The following EBF2 variants were observed in gnomAD, a reference collection of about 807,000 sequenced individuals.
EBF2 encodes transcription factor COE2.
In EBF2, 21 loss-of-function variants were observed where a neutral mutation model predicts 72.8. The observed-to-expected ratio is 0.29, with a 90% CI of 0.20 to 0.42. The LOEUF (loss-of-function observed/expected upper bound fraction) is 0.42. Ranked by LOEUF, EBF2 falls within the 10% of genes least tolerant of loss-of-function variation. EBF2 has a pLI of 1.00. For synonymous variants in EBF2, 299 were observed against 274.2 expected (o/e 1.09, Z -0.89); for missense variants, 637 against 731.2 (o/e 0.87, Z 1.49).
At chr8:25,904,676 T>C (rs1210853100) in intron 7 of EBF2, among the ~76,000 whole-genome samples, 1 of 152,224 alleles carries the variant, frequency 6.6e-6, no homozygotes, top group Non-Finnish European at 1.5e-5. Flanking sequence ...TCCATTCAGA[T>C]GACTGTCCTA....
At chr8:25,976,394 C>A (rs1233351178) in intron 6 of EBF2, among the ~76,000 whole-genome samples, 1 of 152,162 alleles carries the variant, frequency 6.6e-6, no homozygotes, top group East Asian at 1.9e-4. Flanking sequence ...TTGTAGTCCC[C>A]TATAGAACCC....
At chr8:25,846,396 A>T (rs1279452785) in intron 15 of EBF2, among the ~76,000 whole-genome samples, 1 of 152,158 alleles carries the variant, frequency 6.6e-6, no homozygotes, top group African/African-American at 2.4e-5. Context: ...ATTCTGACTC[A>T]CAAACTCCTG....
chr8:25,915,330 G>C (rs1167595965), intron 6 of EBF2, among the ~76,000 whole-genome samples: 1 of 150,740 alleles, frequency 6.6e-6, no homozygotes, highest in African/African-American at 2.4e-5. Context: ...CTGTTTCACA[G>C]GACAACTGCC....
At chr8:25,855,993 ATTAG>A (rs1802081509) in intron 14 of EBF2, among the ~76,000 whole-genome samples, 2 of 152,122 alleles carry the variant, frequency 1.3e-5, no homozygotes, top group South Asian at 2.1e-4. Flanking sequence ...TTGGGGTGTT[ATTAG>A]TTTTCTTGTG....
chr8:25,933,599 C>CATGGA (rs1191891771), intron 6 of EBF2, among the ~76,000 whole-genome samples: 8 of 152,156 alleles, frequency 5.3e-5, no homozygotes. Flanking sequence ...AAAAAAGAGT[C>CATGGA]ATGGATATAC....
At chr8:25,956,763 A>G (rs1185494777) in intron 6 of EBF2, among the ~76,000 whole-genome samples, 5 of 152,180 alleles carry the variant, frequency 3.3e-5, no homozygotes, top group African/African-American at 1.2e-4. Context: ...CGACATTTTA[A>G]TATTCACCCA....
At chr8:26,036,063 C>T (rs1185937275) in intron 5 of EBF2, among the ~76,000 whole-genome samples, 1 of 152,176 alleles carries the variant, frequency 6.6e-6, no homozygotes, top group African/African-American at 2.4e-5. Flanking sequence ...AGCATGTCAA[C>T]CTAACCCCAA....
intron 15 of EBF2, among the ~76,000 whole-genome samples, chr8:25,846,438 A>T (rs553935551): frequency 2.6e-5 from 4 of 152,182 alleles, no homozygotes; most frequent in African/African-American, 9.6e-5. Context: ...CTGTAATCCC[A>T]GCTGTTTAGG....
chr8:25,885,721 C>T (rs189410719), intron 10 of EBF2, among the ~76,000 whole-genome samples: 10 of 152,218 alleles, frequency 6.6e-5, no homozygotes, highest in East Asian at 5.8e-4. Flanking sequence ...CTCATTCTCT[C>T]GTCTGTCACC....
At chr8:25,934,276 C>G (rs1261967820) in intron 6 of EBF2, among the ~76,000 whole-genome samples, 1 of 135,462 alleles carries the variant, frequency 7.4e-6, no homozygotes, top group East Asian at 2.2e-4. Context: ...CACACACACA[C>G]CAATCTTGTT....
intron 6 of EBF2, among the ~76,000 whole-genome samples, chr8:25,951,390 CT>C (rs1803859483): frequency 6.6e-6 from 1 of 152,104 alleles, no homozygotes. Context: ...ACGTACAGTC[CT>C]TTTTTCTCTG....
At chr8:25,989,755 C>T (rs4276697) in intron 6 of EBF2, among the ~76,000 whole-genome samples, 95,328 of 152,018 alleles carry the variant, frequency 0.63, 30,343 homozygotes, top group South Asian at 0.78. Context: ...TCTCCCGTTC[C>T]GTAAGCTAAG....
At chr8:25,904,235 CAAA>C (rs35930162) in intron 7 of EBF2, among the ~76,000 whole-genome samples, 8 of 121,830 alleles carry the variant, frequency 6.6e-5, no homozygotes, top group Admixed American at 1.7e-4. Context: ...GGGTCTGGGC[CAAA>C]AAAAAAAAAA....
chr8:25,894,757 A>T (rs754853305), intron 7 of EBF2, among the ~76,000 whole-genome samples: 2 of 152,218 alleles, frequency 1.3e-5, no homozygotes, highest in Non-Finnish European at 2.9e-5. Context: ...ATTTGTATGC[A>T]TCTCTGCCAA....
chr8:25,900,965 AG>A (rs1802941401), intron 7 of EBF2, among the ~76,000 whole-genome samples: 1 of 152,160 alleles, frequency 6.6e-6, no homozygotes, highest in Non-Finnish European at 1.5e-5. Flanking sequence ...CAGCTAAAAG[AG>A]AGAACTTGCA....
At chr8:25,952,852 G>T (rs926599921) in intron 6 of EBF2, among the ~76,000 whole-genome samples, 13 of 151,442 alleles carry the variant, frequency 8.6e-5, no homozygotes, top group African/African-American at 2.2e-4. Context: ...AGGCTTTGGG[G>T]TTTTTTTTTC....
intron 10 of EBF2, among the ~76,000 whole-genome samples, chr8:25,881,091 G>C (rs1307695439): frequency 6.6e-6 from 1 of 152,100 alleles, no homozygotes; most frequent in Admixed American, 6.5e-5. Flanking sequence ...TCTGGCCTGG[G>C]CCACCCCACT....
rs138481311 is a variant in EBF2 at position 25,969,746 on chromosome 8, C to A, written c.552-61191G>T. Among the ~76,000 whole-genome samples, 145 of 152,266 alleles carry A rather than the reference C, an allele frequency of 9.5e-4. No homozygotes were observed. In the East Asian group the frequency reaches 0.027, roughly 28 times the overall value. On this transcript the variant is annotated intron_variant, in intron 6 of 15. Coordinates refer to ENST00000520164, the MANE Select transcript of EBF2 (RefSeq NM_022659.4). Reference sequence around the variant, plus strand: ...ATCCAGGCACCAGTTTCCTTATCACCCAGGCTGGAGGGCAGTGGCGCGATC... The same window carrying A: ...ATCCAGGCACCAGTTTCCTTATCACACAGGCTGGAGGGCAGTGGCGCGATC...
chr8:25,997,899 G>A (rs1352189730), intron 6 of EBF2, among the ~76,000 whole-genome samples: 7 of 151,982 alleles, frequency 4.6e-5, no homozygotes, highest in African/African-American at 1.2e-4. Context: ...AATAAAAAGA[G>A]CTAACATTAA....
Sources: allele counts gnomAD v4.1 joint callset (sites outside exome capture counted in the v4.1 genomes callset), GRCh38; gene constraint gnomAD v4.1.1; transcripts MANE v1.5; gene names NCBI Gene and HGNC (gene_info 2026-07-23, HGNC 2026-07-21).